Variants in GRIP1 observed in about 807,000 individuals in gnomAD.
The protein encoded by GRIP1 is glutamate receptor-interacting protein 1.
GRIP1 carries 45 observed loss-of-function variants against 129.9 expected under a neutral mutation model. That is an observed-to-expected ratio of 0.35 (90% CI 0.27 to 0.44). GRIP1 has a LOEUF of 0.44. GRIP1 is among the 20% of genes least tolerant of loss of function. The pLI, the probability that GRIP1 is intolerant of heterozygous loss-of-function variation, is 1.00. For missense variants in GRIP1, 1,196 were observed against 1,396.8 expected (o/e 0.86, Z 2.29); for synonymous variants, 530 against 520.8 (o/e 1.02, Z -0.24).
intron 1 of GRIP1, among the ~76,000 whole-genome samples, chr12:66,614,350 T>G (rs567058281): frequency 6.6e-6 from 1 of 151,974 alleles, no homozygotes; most frequent in African/African-American, 2.4e-5. Context: ...ACAGAACTAT[T>G]GATTTCCCAA....
At chr12:66,638,797 C>G (rs1188045110) in intron 1 of GRIP1, among the ~76,000 whole-genome samples, 1 of 152,004 alleles carries the variant, frequency 6.6e-6, no homozygotes, top group Non-Finnish European at 1.5e-5. Context: ...CATAGCTTTA[C>G]TTGTAACACA....
At chr12:67,061,006 T>A (rs2043524362) in intron 1 of GRIP1, among the ~76,000 whole-genome samples, 1 of 152,112 alleles carries the variant, frequency 6.6e-6, no homozygotes. Flanking sequence ...CCACTCAGTA[T>A]TTGAGCTGGA....
Position 66,580,052 on chromosome 12 carries a change from G to A in GRIP1, c.136+16795C>T, listed in dbSNP as rs1317458144. 2.0e-3 allele frequency among the ~76,000 whole-genome samples: 289 copies of A among 141,186 alleles called. 3 individuals are homozygous for A. Among genetic ancestry groups the A allele is most frequent in the African/African-American group, 7.3e-3 (273 of 37,488 alleles). The allele number at this position is 141,186 out of a possible 152,430, so 92.6% of individuals were successfully genotyped here. A position where few individuals can be genotyped will look rare whatever the true frequency, so the allele number is the denominator to read the frequency against. ...AAGGGAAGCCCATCAGACTAACAGC[G>A]GATCTCTTGGCAGAAACTCTACAAG... On this transcript the variant is annotated intron_variant, in intron 2 of 24. Coordinates refer to ENST00000359742, the MANE Select transcript of GRIP1 (RefSeq NM_001366722.1).
chr12:66,347,975 T>C lies in GRIP1; in HGVS notation c.*1044A>G, dbSNP rs1260276635. 3.3e-5 allele frequency: 5 copies of C among 152,250 alleles called. No individual in the cohort carries two copies. The highest frequency in any genetic ancestry group is 1.2e-4 in the African/African-American group (5 of 41,470). The allele number at this position is 152,250 out of a possible 1,614,324, so 9.4% of individuals were successfully genotyped here. A position where few individuals can be genotyped will look rare whatever the true frequency, so the allele number is the denominator to read the frequency against. The stretch of plus-strand genomic sequence containing the variant: ...AAAATATCTGAACAAATGAAAACAG[T>C]TGCTGACAAACATTTAAAGCAACTG... On this transcript the variant is annotated 3_prime_UTR_variant, in exon 25 of 25. Transcript: ENST00000359742.
chr12:66,607,450 G>A (rs181493095), intron 1 of GRIP1, among the ~76,000 whole-genome samples: 4 of 152,158 alleles, frequency 2.6e-5, no homozygotes, highest in African/African-American at 9.6e-5. Context: ...ATAAATACTG[G>A]GACACTCTCT....
In GRIP1 at chr12:66,675,971, G is replaced by A. The variant is rs10467149; in HGVS notation, c.55+2879C>T. On this transcript the variant is annotated intron_variant, in intron 1 of 24. Transcript: ENST00000359742. ...AAAATGACTCAATTCCCAAGTCAGA[G>A]AAGTGCTAAGTTTACCTGAAATATA... Among the ~76,000 whole-genome samples, 1,268 of 152,288 alleles carry A rather than the reference G, an allele frequency of 8.3e-3. 11 individuals carry two copies. The highest frequency in any genetic ancestry group is 0.029 in the African/African-American group (1,213 of 41,558).
chr12:66,375,528 C>A (rs901335051), intron 22 of GRIP1, among the ~76,000 whole-genome samples: 3 of 152,134 alleles, frequency 2.0e-5, no homozygotes, highest in African/African-American at 4.8e-5. Context: ...AATAAATATT[C>A]TTTGTGATAA....
intron 1 of GRIP1, among the ~76,000 whole-genome samples, chr12:66,932,161 C>T (rs2041407040): frequency 7.2e-6 from 1 of 139,610 alleles, no homozygotes; most frequent in Non-Finnish European, 1.6e-5. Flanking sequence ...TATAAAGGCT[C>T]CTGGCCACAA....
At chr12:66,679,080 A>C, upstream of GRIP1, 1 of 1,505,988 alleles carries the variant, frequency 6.6e-7, no homozygotes, top group Non-Finnish European at 8.9e-7. Context: ...GTCATCTGGC[A>C]AATCTGTGTC....
At chr12:66,359,353 G>T (rs996055551) in intron 23 of GRIP1, among the ~76,000 whole-genome samples, 31 of 152,210 alleles carry the variant, frequency 2.0e-4, no homozygotes, top group African/African-American at 7.5e-4. Flanking sequence ...TAATAGTGAA[G>T]TTCTTCATGA....
At chr12:66,975,426 A>G (rs887651407) in intron 1 of GRIP1, among the ~76,000 whole-genome samples, 3 of 152,234 alleles carry the variant, frequency 2.0e-5, no homozygotes, top group African/African-American at 7.2e-5. Context: ...TACAAATGCA[A>G]CAAACCTGTG....
intron 7 of GRIP1, among the ~76,000 whole-genome samples, chr12:66,475,426 A>G (rs1348536932): frequency 6.6e-6 from 1 of 152,208 alleles, no homozygotes; most frequent in Non-Finnish European, 1.5e-5. Flanking sequence ...TCAATGAGAC[A>G]GAAAGTTAAC....
chr12:66,649,081 G>A (rs1312088151), intron 1 of GRIP1, among the ~76,000 whole-genome samples: 1 of 152,068 alleles, frequency 6.6e-6, no homozygotes, highest in African/African-American at 2.4e-5. Flanking sequence ...AAAGCAAGAG[G>A]ACCATATGCA....
At chr12:66,523,367 C>T (rs2061094817) in intron 5 of GRIP1, among the ~76,000 whole-genome samples, 1 of 143,008 alleles carries the variant, frequency 7.0e-6, no homozygotes, top group Non-Finnish European at 1.5e-5. Flanking sequence ...AGAGTGGGGG[C>T]CAATATTCAA....
At chr12:66,469,182 G>A (rs1012917141) in intron 7 of GRIP1, among the ~76,000 whole-genome samples, 1 of 152,154 alleles carries the variant, frequency 6.6e-6, no homozygotes, top group Non-Finnish European at 1.5e-5. Flanking sequence ...CATGTGGCCC[G>A]AGCCATCATC....
intron 1 of GRIP1, among the ~76,000 whole-genome samples, chr12:66,767,123 A>G (rs940758223): frequency 3.3e-5 from 5 of 152,176 alleles, no homozygotes; most frequent in Admixed American, 3.3e-4. Context: ...CTACCAACCT[A>G]ATCAGCTTTA....
intron 1 of GRIP1, among the ~76,000 whole-genome samples, chr12:66,642,440 G>A (rs2032019479): frequency 6.6e-6 from 1 of 151,936 alleles, no homozygotes; most frequent in Non-Finnish European, 1.5e-5. Context: ...TGGTAGGGCA[G>A]AGAGAGAAAT....
intron 7 of GRIP1, among the ~76,000 whole-genome samples, chr12:66,475,534 A>G (rs2138473962): frequency 6.6e-6 from 1 of 152,366 alleles, no homozygotes; most frequent in Admixed American, 6.5e-5. Context: ...CATTCTTCTC[A>G]GCACCACACT....
At chr12:66,798,169 A>G (rs1316026310) in intron 1 of GRIP1, among the ~76,000 whole-genome samples, 2 of 152,162 alleles carry the variant, frequency 1.3e-5, no homozygotes, top group African/African-American at 4.8e-5. Flanking sequence ...ATCTTGTAGA[A>G]ATCAACAAAA....
Sources: gnomAD v4.1 joint callset for allele counts (sites outside exome capture counted in the v4.1 genomes callset) on GRCh38, gnomAD v4.1.1 for gene constraint, MANE v1.5 for transcripts, NCBI Gene and HGNC (gene_info 2026-07-23, HGNC 2026-07-21) for gene names.